MARCHF1: variants seen among roughly 807,000 people sequenced by gnomAD.
MARCHF1 encodes E3 ubiquitin-protein ligase MARCHF1.
A neutral mutation model predicts 54.2 loss-of-function variants in MARCHF1; 40 were observed. The observed-to-expected ratio is 0.74, with a 90% CI of 0.57 to 0.96. The LOEUF is 0.96. Among genes scored for constraint, MARCHF1 ranks in the 40% least tolerant of loss-of-function variants. MARCHF1 has a pLI of 0.00. For synonymous variants in MARCHF1, 236 were observed against 236.3 expected, an observed-to-expected ratio of 1.00 and a Z score of 0.01; for missense variants, 586 against 656.5, an observed-to-expected ratio of 0.89 and a Z score of 1.17.
intron 7 of MARCHF1, among the ~76,000 whole-genome samples, chr4:163,607,908 A>C (rs2110912304): frequency 6.6e-6 from 1 of 152,192 alleles, no homozygotes; most frequent in Middle Eastern, 3.4e-3. Flanking sequence ...TCCAGTTGTC[A>C]CTGATGCTCA....
At chr4:163,776,039 A>G (rs1030978624) in intron 4 of MARCHF1, among the ~76,000 whole-genome samples, 1 of 152,160 alleles carries the variant, frequency 6.6e-6, no homozygotes, top group Non-Finnish European at 1.5e-5. Context: ...TAGACCATGG[A>G]TTTGAAATCC....
chr4:163,986,973 G>A (rs2110883509), intron 3 of MARCHF1, among the ~76,000 whole-genome samples: 1 of 152,240 alleles, frequency 6.6e-6, no homozygotes, highest in Non-Finnish European at 1.5e-5. Flanking sequence ...TTCACATAAA[G>A]TTTTCTTCAA....
intron 3 of MARCHF1, among the ~76,000 whole-genome samples, chr4:163,977,898 A>C (rs548166085): frequency 6.6e-6 from 1 of 152,332 alleles, no homozygotes; most frequent in African/African-American, 2.4e-5. Context: ...GTTCTTTATA[A>C]AACCTAACAA....
intron 2 of MARCHF1, among the ~76,000 whole-genome samples, chr4:164,017,174 C>A (rs1753561231): frequency 6.6e-6 from 1 of 151,878 alleles, no homozygotes; most frequent in Non-Finnish European, 1.5e-5. Flanking sequence ...ACTCTCTCAA[C>A]TTGATATAGG....
intron 7 of MARCHF1, among the ~76,000 whole-genome samples, chr4:163,606,029 C>T (rs1741131195): frequency 6.6e-6 from 1 of 152,090 alleles, no homozygotes; most frequent in Non-Finnish European, 1.5e-5. Context: ...ACGTTCTGCA[C>T]ATGCATCCCA....
chr4:164,230,419 T>C (rs188257387), intron 1 of MARCHF1, among the ~76,000 whole-genome samples: 184 of 151,204 alleles, frequency 1.2e-3, no homozygotes, highest in African/African-American at 4.2e-3. Flanking sequence ...AGATATAAAA[T>C]AGTTATATAT....
chr4:163,943,370 T>C (rs1384965457), intron 3 of MARCHF1, among the ~76,000 whole-genome samples: 1 of 152,182 alleles, frequency 6.6e-6, no homozygotes, highest in Non-Finnish European at 1.5e-5. Context: ...TTGTGTATAG[T>C]GTAATGAAGG....
chr4:163,715,534 C>A (rs1745230331), intron 4 of MARCHF1, among the ~76,000 whole-genome samples: 1 of 152,154 alleles, frequency 6.6e-6, no homozygotes, highest in Non-Finnish European at 1.5e-5. Context: ...AAGGTATTTT[C>A]TTTTGTGTAT....
rs115678431 is a variant in MARCHF1, at chr4:163,557,371, A to C, written c.1192-11628T>G. Among the ~76,000 whole-genome samples, 1,033 of 152,262 alleles carry C rather than the reference A, an allele frequency of 6.8e-3. 15 individuals are homozygous for C. Among genetic ancestry groups the C allele is most frequent in the African/African-American group, 0.023 (946 of 41,550 alleles). ...TCATCTCCAAATACTGTTTTCCTCT[A>C]ATTAGACAGCAGTTGGTTTGAACCA... On this transcript the variant is annotated intron_variant, in intron 8 of 9. Transcript: ENST00000514618.
At chr4:163,730,358 T>C (rs181650112) in intron 4 of MARCHF1, among the ~76,000 whole-genome samples, 1 of 152,156 alleles carries the variant, frequency 6.6e-6, no homozygotes, top group Non-Finnish European at 1.5e-5. Flanking sequence ...TCTTTTAAAG[T>C]CTTTGTCTGG....
At chr4:163,786,693 G>A (rs959433094) in intron 4 of MARCHF1, among the ~76,000 whole-genome samples, 6 of 151,812 alleles carry the variant, frequency 4.0e-5, no homozygotes, top group Non-Finnish European at 7.4e-5. Flanking sequence ...ATGCAATCCC[G>A]ATCAAAATCC....
intron 1 of MARCHF1, among the ~76,000 whole-genome samples, chr4:164,141,294 A>G (rs1284311645): frequency 6.6e-6 from 1 of 152,116 alleles, no homozygotes; most frequent in Non-Finnish European, 1.5e-5. Context: ...TCTGACATAG[A>G]TGTTGCTTTC....
chr4:163,963,799 T>C (rs28675759), intron 3 of MARCHF1, among the ~76,000 whole-genome samples: 4,606 of 151,958 alleles, frequency 0.03, 228 homozygotes, highest in African/African-American at 0.1. Flanking sequence ...TCAAGTCATA[T>C]AGAGAGGCCC....
chr4:163,737,765 G>A (rs1441921914), intron 4 of MARCHF1, among the ~76,000 whole-genome samples: 2 of 117,942 alleles, frequency 1.7e-5, no homozygotes, highest in Admixed American at 8.7e-5. Context: ...AACAACAGGT[G>A]CTGGAGAGGA....
At chr4:164,157,409 A>C (rs1332536311) in intron 1 of MARCHF1, among the ~76,000 whole-genome samples, 2 of 152,194 alleles carry the variant, frequency 1.3e-5, no homozygotes, top group African/African-American at 2.4e-5. Flanking sequence ...TGTGAAAATA[A>C]TGCATATTGC....
intron 3 of MARCHF1, among the ~76,000 whole-genome samples, chr4:163,972,400 G>T (rs1752564044): frequency 6.6e-6 from 1 of 151,854 alleles, no homozygotes; most frequent in Non-Finnish European, 1.5e-5. Context: ...TTAGACAAGG[G>T]AAAGAATGCT....
intron 1 of MARCHF1, among the ~76,000 whole-genome samples, chr4:164,211,272 C>T (rs1731761042): frequency 1.1e-5 from 1 of 87,318 alleles, no homozygotes; most frequent in South Asian, 4.4e-4. Context: ...TTGATTTAAT[C>T]TTTATGTATA....
chr4:163,831,745 T>C (rs1283106089), intron 4 of MARCHF1, among the ~76,000 whole-genome samples: 1 of 152,198 alleles, frequency 6.6e-6, no homozygotes, highest in African/African-American at 2.4e-5. Flanking sequence ...CATTGGAAGA[T>C]AATAGAAATG....
rs185162966 is a variant in MARCHF1, at chr4:163,858,006, A to G, written c.-38-3837T>C. Among the ~76,000 whole-genome samples the G allele has an allele frequency of 1.2e-4, 18 of 151,850 alleles. No individual in the cohort carries two copies. The East Asian group carries it at 2.3e-3, about 20-fold the overall frequency. Reference sequence around the variant, plus strand: ...GCTGATTTTGGAAGACTTTCCAAAGAAAGTAACAATTACAAGTAATTTACA... The same window carrying G: ...GCTGATTTTGGAAGACTTTCCAAAGGAAGTAACAATTACAAGTAATTTACA... On this transcript the variant is annotated intron_variant, in intron 3 of 9. Coordinates refer to ENST00000514618, the MANE Select transcript of MARCHF1 (RefSeq NM_001394959.1).
Sources: allele counts gnomAD v4.1 joint callset (sites outside exome capture counted in the v4.1 genomes callset), GRCh38; gene constraint gnomAD v4.1.1; transcripts MANE v1.5; gene names NCBI Gene and HGNC (gene_info 2026-07-23, HGNC 2026-07-21).